SYT1: variants seen among roughly 807,000 people sequenced by gnomAD.
SYT1 encodes synaptotagmin 1.
A neutral mutation model predicts 44.8 loss-of-function variants in SYT1; 8 were observed. The observed-to-expected ratio is 0.18, with a 90% CI of 0.10 to 0.32. The LOEUF is 0.32. Among genes scored for constraint, SYT1 ranks in the 10% least tolerant of loss-of-function variants. The probability of loss-of-function intolerance (pLI) is 1.00; values close to 1 mark genes in which losing one functional copy is unlikely to be tolerated. For synonymous variants in SYT1, 154 were observed against 188.8 expected (o/e 0.82, Z 1.51); for missense variants, 286 against 509.3 (o/e 0.56, Z 4.22).
At chr12:78,950,954 A>AT (rs1283872253) in intron 1 of SYT1, among the ~76,000 whole-genome samples, 6 of 152,070 alleles carry the variant, frequency 3.9e-5, no homozygotes, top group African/African-American at 1.4e-4. Flanking sequence ...ATATTTCTAC[A>AT]TTTTAAATAC....
At chr12:79,408,163 C>G (rs540532214) in intron 9 of SYT1, among the ~76,000 whole-genome samples, 1 of 152,258 alleles carries the variant, frequency 6.6e-6, no homozygotes, top group East Asian at 1.9e-4. Flanking sequence ...GCAGCCCTTT[C>G]TAGTCCTAAC....
chr12:78,981,011 A>G (rs1869210621), intron 2 of SYT1, among the ~76,000 whole-genome samples: 1 of 152,046 alleles, frequency 6.6e-6, no homozygotes, highest in Non-Finnish European at 1.5e-5. Context: ...GCATTGAACT[A>G]GCTATTAAAA....
chr12:78,962,088 G>T (rs1879535003), intron 1 of SYT1, among the ~76,000 whole-genome samples: 1 of 151,908 alleles, frequency 6.6e-6, no homozygotes, highest in Non-Finnish European at 1.5e-5. Flanking sequence ...TGTTTGGCTT[G>T]GTTTGGTTTG....
At chr12:79,205,965 C>T (rs1475192934) in intron 3 of SYT1, among the ~76,000 whole-genome samples, 4 of 152,014 alleles carry the variant, frequency 2.6e-5, no homozygotes, top group Admixed American at 2.6e-4. Flanking sequence ...ATACGTATTT[C>T]ATGTACTCTA....
chr12:79,165,419 G>GTT (rs1871173167), intron 3 of SYT1, among the ~76,000 whole-genome samples: 1 of 151,916 alleles, frequency 6.6e-6, no homozygotes, highest in Non-Finnish European at 1.5e-5. Flanking sequence ...TGTTGCAAAG[G>GTT]TTTTGTTCAC....
At chr12:78,891,540 T>C (rs1875050885) in intron 1 of SYT1, among the ~76,000 whole-genome samples, 1 of 151,912 alleles carries the variant, frequency 6.6e-6, no homozygotes, top group African/African-American at 2.4e-5. Context: ...GTCAAGATAG[T>C]TAACAGAATT....
At chr12:79,165,742 A>G (rs891823581) in intron 3 of SYT1, among the ~76,000 whole-genome samples, 11 of 151,932 alleles carry the variant, frequency 7.2e-5, no homozygotes, top group African/African-American at 2.4e-4. Flanking sequence ...TTGCTACCCT[A>G]TTGCATGAAC....
At chr12:79,185,508 T>C (rs192958729) in intron 3 of SYT1, among the ~76,000 whole-genome samples, 1 of 152,142 alleles carries the variant, frequency 6.6e-6, no homozygotes, top group East Asian at 1.9e-4. Context: ...TATCTTGTTA[T>C]ATAAGTTTGC....
intron 1 of SYT1, among the ~76,000 whole-genome samples, chr12:78,921,863 T>A (rs1199444817): frequency 6.6e-6 from 1 of 151,850 alleles, no homozygotes; most frequent in Non-Finnish European, 1.5e-5. Flanking sequence ...GAGGATGAGG[T>A]GATTTTGTAA....
At chr12:79,409,537 C>T (rs919897746) in intron 9 of SYT1, among the ~76,000 whole-genome samples, 1 of 152,066 alleles carries the variant, frequency 6.6e-6, no homozygotes, top group Non-Finnish European at 1.5e-5. Flanking sequence ...AAAATTAGAC[C>T]TTACTAGCTT....
intron 3 of SYT1, among the ~76,000 whole-genome samples, chr12:79,137,760 T>C (rs1455390380): frequency 5.9e-5 from 9 of 152,246 alleles, no homozygotes; most frequent in Non-Finnish European, 1.2e-4. Context: ...TGTAATTCTA[T>C]AATGCATTTC....
intron 7 of SYT1, among the ~76,000 whole-genome samples, chr12:79,296,501 GAGA>G (rs1879881133): frequency 6.6e-6 from 1 of 152,138 alleles, no homozygotes; most frequent in Non-Finnish European, 1.5e-5. Context: ...TCTAAAAAGT[GAGA>G]TCCCTCCCTG....
chr12:78,897,108 A>G lies in SYT1; in HGVS notation c.-217+31999A>G, dbSNP rs148321851. 9.3e-4 allele frequency among the ~76,000 whole-genome samples: 142 copies of G among 152,024 alleles called. 2 individuals are homozygous for G. The highest frequency in any genetic ancestry group is 3.4e-3 in the African/African-American group (141 of 41,544). On this transcript the variant is annotated intron_variant, in intron 1 of 10. Coordinates refer to ENST00000261205, the MANE Select transcript of SYT1 (RefSeq NM_005639.3). ...TTTAAACTTTTCTTCTATTTCATAC[A>G]TATAGACTACAAAATAGCAAACCTG... is the stretch of plus-strand genomic sequence containing the variant.
chr12:78,960,757 CTT>C (rs1290660318), intron 1 of SYT1: 76 of 152,150 alleles, frequency 5.0e-4, no homozygotes, highest in Admixed American at 4.9e-3. Context: ...GTGAAAAAAA[CTT>C]AACCTAGCTA....
chr12:79,361,253 G>A (rs559349940), intron 9 of SYT1, among the ~76,000 whole-genome samples: 1 of 152,272 alleles, frequency 6.6e-6, no homozygotes, highest in South Asian at 2.1e-4. Context: ...CTATGAGGTA[G>A]ATACTATTTT....
intron 1 of SYT1, among the ~76,000 whole-genome samples, chr12:78,945,745 C>A (rs923082715): frequency 2.6e-5 from 4 of 152,184 alleles, no homozygotes; most frequent in African/African-American, 9.6e-5. Context: ...GAAGTCACTT[C>A]CATTTGTAGA....
At chr12:79,375,148 C>T (rs186922957) in intron 9 of SYT1, among the ~76,000 whole-genome samples, 52 of 152,082 alleles carry the variant, frequency 3.4e-4, no homozygotes, top group African/African-American at 1.2e-3. Context: ...ATTTTCTTAG[C>T]TTACGACCTA....
At position 78,904,197 on chromosome 12, in the gene SYT1, T is replaced by C. The variant is rs17045909; in HGVS notation, c.-217+39088T>C. Among the ~76,000 whole-genome samples the C allele has an allele frequency of 1.9e-3, 296 of 152,242 alleles. 11 individuals carry two copies. The East Asian group carries it at 0.054, about 28-fold the overall frequency. On this transcript the variant is annotated intron_variant, in intron 1 of 10. Coordinates refer to ENST00000261205, the MANE Select transcript of SYT1 (RefSeq NM_005639.3). ...CTAGTGTGTATTGAATTTGAATTTA[T>C]ATTTTTATAGACAATGTTTTCCTAT...
At chr12:79,181,541 A>G (rs544558123) in intron 3 of SYT1, among the ~76,000 whole-genome samples, 1 of 151,978 alleles carries the variant, frequency 6.6e-6, no homozygotes, top group South Asian at 2.1e-4. Context: ...ACTCTTCTCC[A>G]TATCAACCGT....
Sources: allele counts gnomAD v4.1 joint callset (sites outside exome capture counted in the v4.1 genomes callset), GRCh38; gene constraint gnomAD v4.1.1; transcripts MANE v1.5; gene names NCBI Gene and HGNC (gene_info 2026-07-23, HGNC 2026-07-21).